Variants in RGL1 observed in about 807,000 individuals in gnomAD.
RGL1 encodes the protein ral guanine nucleotide dissociation stimulator-like 1.
A neutral mutation model predicts 95.2 loss-of-function variants in RGL1; 24 were observed. The ratio of observed to expected loss-of-function variants is 0.25; its 90% CI spans 0.18 to 0.35. The LOEUF (loss-of-function observed/expected upper bound fraction) is 0.35, where lower values mean the gene tolerates loss of function less well. Ranked by LOEUF, RGL1 falls within the 10% of genes least tolerant of loss-of-function variation. The probability of loss-of-function intolerance (pLI) is 1.00; values close to 1 mark genes in which losing one functional copy is unlikely to be tolerated. For missense variants in RGL1, 715 were observed against 936.3 expected (o/e 0.76, Z 3.08); for synonymous variants, 329 against 344.9 (o/e 0.95, Z 0.51).
At chr1:183,821,935 T>C (rs1328781329) in intron 2 of RGL1, among the ~76,000 whole-genome samples, 3 of 152,178 alleles carry the variant, frequency 2.0e-5, no homozygotes, top group African/African-American at 7.2e-5. Context: ...CATCATATCC[T>C]GTTGAAATCA....
intron 9 of RGL1, among the ~76,000 whole-genome samples, chr1:183,896,470 T>C (rs952927297): frequency 2.0e-5 from 3 of 152,244 alleles, no homozygotes; most frequent in Non-Finnish European, 1.5e-5. Flanking sequence ...CTGTGGGTTC[T>C]GTCCCAGTAG....
chr1:183,730,002 C>G lies in RGL1; in HGVS notation c.-32-12124C>G, dbSNP rs147647606. Among the ~76,000 whole-genome samples the G allele has an allele frequency of 5.1e-4, 78 of 152,208 alleles. 1 individual carries two copies. The highest frequency in any genetic ancestry group is 1.8e-3 in the African/African-American group (75 of 41,516). On this transcript the variant is annotated intron_variant, in intron 1 of 18. Coordinates refer to the RGL1 transcript ENST00000304685. Reference sequence around the variant, plus strand: ...CTGGGAAGGGGCTTAAGAGAATGATCTTTTGAAGTAATGGAAATGTTCTAA... The same window carrying G: ...CTGGGAAGGGGCTTAAGAGAATGATGTTTTGAAGTAATGGAAATGTTCTAA...
chr1:183,687,345 A>G (rs953114498), intron 1 of RGL1, among the ~76,000 whole-genome samples: 1 of 152,192 alleles, frequency 6.6e-6, no homozygotes, highest in African/African-American at 2.4e-5. Flanking sequence ...CAAATTAATT[A>G]ATAGAAGAAG....
intron 1 of RGL1, among the ~76,000 whole-genome samples, chr1:183,643,258 G>GT (rs1553265191): frequency 2.1e-5 from 3 of 142,976 alleles, no homozygotes; most frequent in Admixed American, 7.0e-5. Flanking sequence ...TTGAGGTCCT[G>GT]TTTTTTTATT....
intron 2 of RGL1, among the ~76,000 whole-genome samples, chr1:183,842,179 T>C (rs1327650818): frequency 2.6e-5 from 4 of 152,170 alleles, no homozygotes; most frequent in African/African-American, 9.7e-5. Flanking sequence ...CTATTTACTT[T>C]GCTGCTCAGG....
At chr1:183,723,467 A>T (rs1386199730) in intron 1 of RGL1, among the ~76,000 whole-genome samples, 3 of 152,232 alleles carry the variant, frequency 2.0e-5, no homozygotes, top group Non-Finnish European at 4.4e-5. Flanking sequence ...GTTCCCTGGC[A>T]GTGGCCGCAT....
intron 2 of RGL1, among the ~76,000 whole-genome samples, chr1:183,835,046 T>C (rs1219631414): frequency 6.6e-6 from 1 of 152,180 alleles, no homozygotes; most frequent in South Asian, 2.1e-4. Flanking sequence ...ATGGAAATGA[T>C]GAGCATCTTC....
Position 183,873,024 on chromosome 1 carries a change from A to G in RGL1, c.425+6951A>G, listed in dbSNP as rs566826102. On this transcript the variant is annotated intron_variant, in intron 4 of 17. Transcript: ENST00000360851. ...CCCTACAGGACAAAGAAGAATAAAA[A>G]CCATAGTTTTACAAGTCATTAGCAT... Among the ~76,000 whole-genome samples the G allele has an allele frequency of 3.3e-5, 5 of 152,326 alleles. No individual in the cohort carries two copies. The East Asian group carries it at 9.6e-4, about 29-fold the overall frequency.
At chr1:183,754,827 CAA>C (rs1209434065) in intron 2 of RGL1, 2 of 152,234 alleles carry the variant, frequency 1.3e-5, no homozygotes, top group African/African-American at 4.8e-5. Flanking sequence ...TCACAGAAAA[CAA>C]AGTTTAAATT....
At chr1:183,656,113 C>CTTTTCT (rs149751789) in intron 1 of RGL1, among the ~76,000 whole-genome samples, 8 of 145,024 alleles carry the variant, frequency 5.5e-5, no homozygotes, top group Middle Eastern at 3.5e-3. Flanking sequence ...CTTTTCTTTT[C>CTTTTCT]TTTTTTTTTT....
chr1:183,899,892 C>T (rs778454826), intron 10 of RGL1, among the ~76,000 whole-genome samples: 5 of 152,226 alleles, frequency 3.3e-5, no homozygotes, highest in East Asian at 1.9e-4. Context: ...ACATAAACCC[C>T]ACAGTCAACA....
intron 1 of RGL1, among the ~76,000 whole-genome samples, chr1:183,733,007 G>A (rs991878369): frequency 2.6e-5 from 4 of 152,102 alleles, no homozygotes; most frequent in Admixed American, 2.0e-4. Flanking sequence ...ATGGACTATC[G>A]AGGTTAAATT....
rs199588423 is a variant in RGL1, at chr1:183,686,373, G to A, written c.-33+49872G>A. 2.6e-5 allele frequency among the ~76,000 whole-genome samples: 4 copies of A among 151,920 alleles called. No individual in the cohort carries two copies. In the East Asian group the frequency reaches 7.7e-4, roughly 29 times the overall value. On this transcript the variant is annotated intron_variant, in intron 1 of 18. Coordinates refer to the RGL1 transcript ENST00000304685. ...CTCTTTTCAGTTGGTCAGAGGTAGGGGCACCCCATCTTCATTTCCCTCAGT... is the reference window on the plus strand; with the variant it reads ...CTCTTTTCAGTTGGTCAGAGGTAGGAGCACCCCATCTTCATTTCCCTCAGT...
intron 1 of RGL1, among the ~76,000 whole-genome samples, chr1:183,650,944 G>A (rs542827757): frequency 1.4e-3 from 219 of 152,054 alleles, no homozygotes; most frequent in African/African-American, 5.1e-3. Context: ...ATTCTTCTGT[G>A]AAATATATTT....
intron 2 of RGL1, among the ~76,000 whole-genome samples, chr1:183,747,395 A>C (rs1045319839): frequency 6.6e-6 from 1 of 151,924 alleles, no homozygotes; most frequent in Non-Finnish European, 1.5e-5. Flanking sequence ...ACCCCTGATG[A>C]TGAGCGTTTT....
intron 1 of RGL1, among the ~76,000 whole-genome samples, chr1:183,729,838 T>G (rs10911424): frequency 6.6e-6 from 1 of 151,976 alleles, no homozygotes. Context: ...TCAAAATAAA[T>G]GTGGTAAGTG....
chr1:183,643,262 T>A (rs111260786), intron 1 of RGL1, among the ~76,000 whole-genome samples: 7,987 of 136,484 alleles, frequency 0.059, 309 homozygotes, highest in African/African-American at 0.11. Flanking sequence ...GGTCCTGTTT[T>A]TTTATTTATT....
intron 1 of RGL1, among the ~76,000 whole-genome samples, chr1:183,728,896 T>G (rs1164520943): frequency 6.6e-6 from 1 of 152,194 alleles, no homozygotes; most frequent in Non-Finnish European, 1.5e-5. Flanking sequence ...AAGGAATACC[T>G]TTTCAACAAA....
intron 1 of RGL1, among the ~76,000 whole-genome samples, chr1:183,667,472 G>A (rs968382832): frequency 6.6e-6 from 1 of 151,880 alleles, no homozygotes; most frequent in Non-Finnish European, 1.5e-5. Flanking sequence ...TTACAGGCAT[G>A]TGCCACCATG....
Sources: allele counts gnomAD v4.1 joint callset (sites outside exome capture counted in the v4.1 genomes callset), GRCh38; gene constraint gnomAD v4.1.1; transcripts MANE v1.5; gene names NCBI Gene and HGNC (gene_info 2026-07-23, HGNC 2026-07-21).